Variants in DTWD2 observed in about 807,000 individuals in gnomAD.
DTWD2 encodes tRNA-uridine aminocarboxypropyltransferase 2.
DTWD2 carries 39 observed loss-of-function variants against 31.8 expected under a neutral mutation model. The ratio of observed to expected loss-of-function variants is 1.22; its 90% CI spans 0.95 to 1.60. The LOEUF is 1.60. Among genes scored for constraint, DTWD2 ranks in the 40% most tolerant of loss-of-function variants. The pLI is 0.00. For synonymous variants in DTWD2, 180 were observed against 142.8 expected (o/e 1.26, Z -1.86); for missense variants, 515 against 381.5 (o/e 1.35, Z -2.92).
At chr5:118,936,091 A>C (rs917675375) in intron 3 of DTWD2, among the ~76,000 whole-genome samples, 1 of 152,242 alleles carries the variant, frequency 6.6e-6, no homozygotes, top group African/African-American at 2.4e-5. Flanking sequence ...ATACATCTAA[A>C]ACTTCCCCAA....
chr5:118,966,544 G>C lies in DTWD2; in HGVS notation c.218+21750C>G, dbSNP rs74641087. Among the ~76,000 whole-genome samples, 637 of 152,222 alleles carry C rather than the reference G, an allele frequency of 4.2e-3. 41 individuals carry two copies. In the East Asian group the frequency reaches 0.1, roughly 24 times the overall value. On this transcript the variant is annotated intron_variant, in intron 1 of 5. Coordinates refer to ENST00000510708, the MANE Select transcript of DTWD2 (RefSeq NM_173666.4). Reference sequence around the variant, plus strand: ...AATATTTTCTTATGATCATACTCAGGCAAATTAGTTGATGATATGCTATAA... The same window carrying C: ...AATATTTTCTTATGATCATACTCAGCCAAATTAGTTGATGATATGCTATAA...
intron 4 of DTWD2, among the ~76,000 whole-genome samples, chr5:118,854,343 T>C (rs1204283341): frequency 6.6e-6 from 1 of 152,022 alleles, no homozygotes; most frequent in Admixed American, 6.6e-5. Flanking sequence ...TAATGCAAAA[T>C]CTGAAAACCT....
At chr5:118,923,350 T>C (rs534683567) in intron 4 of DTWD2, among the ~76,000 whole-genome samples, 2 of 152,306 alleles carry the variant, frequency 1.3e-5, no homozygotes, top group South Asian at 4.1e-4. Context: ...ATTAAAGTGT[T>C]AGTTGAATGC....
intron 4 of DTWD2, among the ~76,000 whole-genome samples, chr5:118,880,566 G>T (rs1325566810): frequency 6.6e-6 from 1 of 151,932 alleles, no homozygotes; most frequent in Non-Finnish European, 1.5e-5. Flanking sequence ...TTGGGCTATG[G>T]CATCTCTACA....
rs574468590 is a variant in DTWD2, at chr5:118,941,954, T to C, written c.309+2605A>G. Among the ~76,000 whole-genome samples the C allele has an allele frequency of 5.0e-3, 762 of 152,360 alleles. 6 individuals carry two copies. Among genetic ancestry groups the C allele is most frequent in the African/African-American group, 0.017 (704 of 41,578 alleles). On this transcript the variant is annotated intron_variant, in intron 2 of 5. Coordinates refer to ENST00000510708, the MANE Select transcript of DTWD2 (RefSeq NM_173666.4). ...GTGATGAAGAGCATTTTTTCATGTG[T>C]CTGTTGGCTGCATAAATGTCTTCTT...
intron 4 of DTWD2, among the ~76,000 whole-genome samples, chr5:118,914,267 G>C (rs964102822): frequency 1.3e-5 from 2 of 152,088 alleles, no homozygotes; most frequent in South Asian, 4.1e-4. Context: ...TATTAAAAAG[G>C]CTCTAGGAGT....
At position 118,837,265 on chromosome 5, in the gene DTWD2, T is replaced by C. The variant is rs1051090924; in HGVS notation, c.*3652A>G. Reference sequence around the variant, plus strand: ...TAGATTGGACAATTTAAGAGAGTAATTCATTCTACAAAAAGCCTACTTATG... The same window carrying C: ...TAGATTGGACAATTTAAGAGAGTAACTCATTCTACAAAAAGCCTACTTATG... On this transcript the variant is annotated 3_prime_UTR_variant, in exon 6 of 6. Transcript: ENST00000510708. 1 of 152,192 alleles carries C rather than the reference T, an allele frequency of 6.6e-6. No individual in the cohort carries two copies. The highest frequency in any genetic ancestry group is 1.5e-5 in the Non-Finnish European group (1 of 68,032). 9.4% of individuals were successfully genotyped at this position (152,192 alleles called of 1,614,324 possible). A position where few individuals can be genotyped will look rare whatever the true frequency, so the allele number is the denominator to read the frequency against.
chr5:118,850,309 C>CAAAAAAAA (rs74980941), intron 4 of DTWD2, among the ~76,000 whole-genome samples: 8 of 63,086 alleles, frequency 1.3e-4, no homozygotes, highest in Non-Finnish European at 1.7e-4. Context: ...ACCAAAAATA[C>CAAAAAAAA]AAAAAAAAAA....
intron 5 of DTWD2, 152 bp from the exon 6 acceptor site, chr5:118,841,239 A>C: frequency 1.3e-6 from 1 of 758,756 alleles, no homozygotes; most frequent in South Asian, 2.1e-5. Flanking sequence ...TAAATATATA[A>C]TTATTTCTAG....
chr5:118,840,925 T>C lies in DTWD2; in HGVS notation c.889A>G (p.Lys297Glu), dbSNP rs1173680934. The change falls in exon 6 of 6, where the codon AAA (lysine) becomes GAA (glutamate). Residue 297 changes from lysine to glutamate, a missense_variant. Lys to Glu is a moderately conservative substitution (Grantham distance 56, BLOSUM62 1). Transcript: ENST00000510708. Reference protein sequence around the residue: ...RKMELLMNSVKI With the variant: ...RKMELLMNSVEI ...CCAAAAGAATAACTGTACTAAATTT[T>C]AACACTATTCATTAACAATTCCATT... 1.2e-6 allele frequency: 2 copies of C among 1,613,332 alleles called. No individual in the cohort carries two copies. The highest frequency in any genetic ancestry group is 1.7e-5 in the Admixed American group (1 of 59,956).
intron 1 of DTWD2, among the ~76,000 whole-genome samples, chr5:118,973,546 T>TA (rs1755041455): frequency 6.6e-6 from 1 of 151,832 alleles, no homozygotes; most frequent in Non-Finnish European, 1.5e-5. Flanking sequence ...AATTCTAGGT[T>TA]AAAAATTCTT....
chr5:118,973,934 G>A (rs2149600165), intron 1 of DTWD2: 2 of 1,595,486 alleles, frequency 1.3e-6, no homozygotes, highest in Non-Finnish European at 1.7e-6. Flanking sequence ...TGGGGAGCAG[G>A]AGGCTGACAA....
chr5:118,857,631 T>C (rs1752168799), intron 4 of DTWD2, among the ~76,000 whole-genome samples: 1 of 152,212 alleles, frequency 6.6e-6, no homozygotes, highest in South Asian at 2.1e-4. Context: ...TAATGAAACA[T>C]AATTTATAAA....
chr5:118,944,546 T>C lies in DTWD2; in HGVS notation c.309+13A>G. 1.2e-6 allele frequency: 2 copies of C among 1,611,150 alleles called. No homozygotes were observed. The highest frequency in any genetic ancestry group is 2.2e-5 in the East Asian group (1 of 44,714). On this transcript the variant is annotated intron_variant, in intron 2 of 5. Coordinates refer to ENST00000510708, the MANE Select transcript of DTWD2 (RefSeq NM_173666.4). ...ATATTCTATTTGAAATCCTGTATTTTACAAAATCTTACCTCTGCTGGATGC... is the reference window on the plus strand; with the variant it reads ...ATATTCTATTTGAAATCCTGTATTTCACAAAATCTTACCTCTGCTGGATGC...
intron 4 of DTWD2, among the ~76,000 whole-genome samples, chr5:118,861,497 A>T (rs1372861477): frequency 2.0e-5 from 3 of 152,228 alleles, no homozygotes; most frequent in African/African-American, 4.8e-5. Context: ...CTTCTACTGC[A>T]ATAGCTGCCC....
intron 2 of DTWD2, among the ~76,000 whole-genome samples, chr5:118,942,189 T>G (rs1161338651): frequency 6.6e-6 from 1 of 152,116 alleles, no homozygotes; most frequent in Admixed American, 6.6e-5. Context: ...CCAGTATTAA[T>G]AAGTTAGATG....
At chr5:118,857,556 A>G (rs1008441744) in intron 4 of DTWD2, among the ~76,000 whole-genome samples, 1 of 152,206 alleles carries the variant, frequency 6.6e-6, no homozygotes, top group Non-Finnish European at 1.5e-5. Flanking sequence ...TATATTACAA[A>G]TATCTTCTCA....
chr5:118,888,581 GT>G (rs1752916315), intron 4 of DTWD2, among the ~76,000 whole-genome samples: 1 of 152,234 alleles, frequency 6.6e-6, no homozygotes. Context: ...GCAAGTCTTT[GT>G]ATAGACATAT....
chr5:118,938,807 C>T (rs1025612166), intron 3 of DTWD2, among the ~76,000 whole-genome samples: 2 of 103,132 alleles, frequency 1.9e-5, no homozygotes, highest in Non-Finnish European at 3.9e-5. Context: ...AAGAACCCTA[C>T]CAAAAAAAAA....
Sources: allele counts gnomAD v4.1 joint callset (sites outside exome capture counted in the v4.1 genomes callset), GRCh38; gene constraint gnomAD v4.1.1; transcripts MANE v1.5; gene names NCBI Gene and HGNC (gene_info 2026-07-23, HGNC 2026-07-21).